FGD4: variants seen among roughly 807,000 people sequenced by gnomAD.
FGD4 encodes the protein FYVE, RhoGEF and PH domain-containing protein 4.
In FGD4, 42 loss-of-function variants were observed where a neutral mutation model predicts 102.0. That is an observed-to-expected ratio of 0.41 (90% CI 0.32 to 0.53). The LOEUF (loss-of-function observed/expected upper bound fraction) is 0.53. Among genes scored for constraint, FGD4 ranks in the 20% least tolerant of loss-of-function variants. The probability of loss-of-function intolerance (pLI) is 0.21; values close to 1 mark genes in which losing one functional copy is unlikely to be tolerated. For missense variants in FGD4, 902 were observed against 1,078.2 expected (o/e 0.84, Z 2.29); for synonymous variants, 380 against 375.7 (o/e 1.01, Z -0.13).
Position 32,642,049 on chromosome 12 carries a change from T to A in FGD4, c.*1516T>A, listed in dbSNP as rs1951179762. On this transcript the variant is annotated 3_prime_UTR_variant, in exon 17 of 17. Transcript: ENST00000534526. ...TTAGATATAGAATAGAATTTGAGAC[T>A]GCCACACATTTATTCAGGCCTTGTT... The A allele has an allele frequency of 6.6e-6, 1 of 152,176 alleles. No individual in the cohort carries two copies. The highest frequency in any genetic ancestry group is 1.5e-5 in the Non-Finnish European group (1 of 67,982). The allele number at this position is 152,176 out of a possible 1,614,324, so 9.4% of individuals were successfully genotyped here.
chr12:32,593,523 C>A (rs1947647081), intron 4 of FGD4, among the ~76,000 whole-genome samples: 1 of 152,140 alleles, frequency 6.6e-6, no homozygotes, highest in Admixed American at 6.6e-5. Flanking sequence ...CTGGCATCCC[C>A]CTTGGATTTT....
chr12:32,610,074 T>C (rs1949046171), intron 8 of FGD4, among the ~76,000 whole-genome samples: 1 of 152,210 alleles, frequency 6.6e-6, no homozygotes, highest in Admixed American at 6.5e-5. Context: ...CCAAAGAAAG[T>C]AGGTTATGCT....
chr12:32,508,137 C>T (rs1345852951), intron 1 of FGD4, among the ~76,000 whole-genome samples: 1 of 152,104 alleles, frequency 6.6e-6, no homozygotes, highest in Non-Finnish European at 1.5e-5. Context: ...CTCGGCTGTG[C>T]ACGTGAGGTG....
chr12:32,559,534 A>G (rs1455539207), intron 1 of FGD4, among the ~76,000 whole-genome samples: 2 of 152,218 alleles, frequency 1.3e-5, no homozygotes, highest in African/African-American at 4.8e-5. Flanking sequence ...ACTTGTTTTA[A>G]TAAACAATGT....
chr12:32,551,682 A>G (rs1439521419), intron 1 of FGD4, among the ~76,000 whole-genome samples: 1 of 152,212 alleles, frequency 6.6e-6, no homozygotes, highest in Non-Finnish European at 1.5e-5. Flanking sequence ...TTTAGGGATC[A>G]AGGAAAGTTG....
At chr12:32,509,342 G>C (rs1179064845) in intron 1 of FGD4, among the ~76,000 whole-genome samples, 2 of 147,490 alleles carry the variant, frequency 1.4e-5, no homozygotes, top group East Asian at 4.0e-4. Flanking sequence ...ACAGAAATAA[G>C]ACTCTAAAGA....
chr12:32,471,978 A>G (rs1036875752), intron 1 of FGD4, among the ~76,000 whole-genome samples: 1 of 152,232 alleles, frequency 6.6e-6, no homozygotes, highest in African/African-American at 2.4e-5. Flanking sequence ...ACCACTGACC[A>G]GAGTGTGCTC....
At position 32,625,808 on chromosome 12, in the gene FGD4, T is replaced by G. The variant is rs17539848; in HGVS notation, c.2172+29T>G. 179,336 of 1,612,598 alleles carry G rather than the reference T, an allele frequency of 0.11. 11,147 individuals are homozygous for G. The highest frequency in any genetic ancestry group is 0.18 in the Middle Eastern group (1,108 of 6,056). Reference sequence around the variant, plus strand: ...AGTGAGATTTCTTGATCATTAAGGTTGCTAGTAACTATATAAGTGATGTAA... The same window carrying G: ...AGTGAGATTTCTTGATCATTAAGGTGGCTAGTAACTATATAAGTGATGTAA... On this transcript the variant is annotated intron_variant, in intron 14 of 16. Coordinates refer to ENST00000534526, the MANE Select transcript of FGD4 (RefSeq NM_001370298.3).
chr12:32,447,546 AT>A lies in FGD4; in HGVS notation c.166+47588del, dbSNP rs376897478. ...GTGACACAGTTATAATATTTACAGT[AT>A]CATGTTGTATTAAATGAGATGGCCC... On this transcript the variant is annotated intron_variant, in intron 1 of 16. Coordinates refer to ENST00000534526, the MANE Select transcript of FGD4 (RefSeq NM_001370298.3). Among the ~76,000 whole-genome samples, 19 of 152,330 alleles carry A rather than the reference AT, an allele frequency of 1.2e-4. No individual in the cohort carries two copies. The East Asian group carries it at 1.3e-3, about 11-fold the overall frequency.
In FGD4 at chr12:32,519,665, C is replaced by T. The variant is rs144733653; in HGVS notation, c.167-44472C>T. Among the ~76,000 whole-genome samples the T allele has an allele frequency of 2.0e-4, 31 of 151,974 alleles. No homozygotes were observed. The East Asian group carries it at 5.2e-3, about 26-fold the overall frequency. On this transcript the variant is annotated intron_variant, in intron 1 of 16. Coordinates refer to ENST00000534526, the MANE Select transcript of FGD4 (RefSeq NM_001370298.3). ...TAAAATAAAAAAATAAAGCTGGGCA[C>T]GGTGGCTCACTCTTGTAATCCGAGC...
intron 1 of FGD4, among the ~76,000 whole-genome samples, chr12:32,466,474 T>C (rs774618045): frequency 1.6e-4 from 24 of 152,252 alleles, no homozygotes; most frequent in Admixed American, 8.5e-4. Context: ...GGCCTTTAAC[T>C]GATTGGATGA....
chr12:32,468,555 T>C (rs944162066), intron 1 of FGD4, among the ~76,000 whole-genome samples: 1 of 152,118 alleles, frequency 6.6e-6, no homozygotes, highest in African/African-American at 2.4e-5. Flanking sequence ...TTTTTTCTGA[T>C]TATAAAAGTC....
At chr12:32,586,355 T>C (rs1435428226) in intron 4 of FGD4, among the ~76,000 whole-genome samples, 2 of 152,312 alleles carry the variant, frequency 1.3e-5, no homozygotes, top group East Asian at 3.9e-4. Context: ...CCCATAATTC[T>C]ACCAGTGAGA....
chr12:32,428,361 TCTTTA>T (rs1941921112), intron 1 of FGD4, among the ~76,000 whole-genome samples: 1 of 152,216 alleles, frequency 6.6e-6, no homozygotes, highest in African/African-American at 2.4e-5. Context: ...AGTTGAAAAT[TCTTTA>T]CTTTAAGAAT....
chr12:32,418,441 ACT>A (rs1941505833), intron 1 of FGD4, among the ~76,000 whole-genome samples: 1 of 151,886 alleles, frequency 6.6e-6, no homozygotes, highest in South Asian at 2.1e-4. Context: ...AAACTGAATA[ACT>A]CTGTGGTTCT....
intron 10 of FGD4, among the ~76,000 whole-genome samples, chr12:32,616,619 C>A (rs892221604): frequency 4.6e-5 from 7 of 152,166 alleles, no homozygotes; most frequent in Admixed American, 1.3e-4. Context: ...TTTTTATTTT[C>A]TTTTCTCTCT....
intron 1 of FGD4, among the ~76,000 whole-genome samples, chr12:32,448,680 G>A (rs1047599035): frequency 1.3e-5 from 2 of 151,136 alleles, no homozygotes; most frequent in Non-Finnish European, 3.0e-5. Context: ...AAAGAAAAAG[G>A]GGTGATTGAG....
At chr12:32,452,814 C>T (rs1942817430) in intron 1 of FGD4, among the ~76,000 whole-genome samples, 1 of 151,994 alleles carries the variant, frequency 6.6e-6, no homozygotes, top group Non-Finnish European at 1.5e-5. Context: ...CATACAGATA[C>T]TCTGTCTCTT....
In FGD4 at chr12:32,544,224, G is replaced by A. The variant is rs879074892; in HGVS notation, c.167-19913G>A. On this transcript the variant is annotated intron_variant, in intron 1 of 16. Transcript: ENST00000534526. This position sits in a 1 kb window ranked among gnomAD's most constrained non-coding sequence, Gnocchi z 4.1. ...GTGGATCTCCTGAGGTCAGGATTTC[G>A]AGACCAGCCTGGCCAACATGGTGAA... Among the ~76,000 whole-genome samples, 1 of 151,786 alleles carries A rather than the reference G, an allele frequency of 6.6e-6. No homozygotes were observed. Among genetic ancestry groups the A allele is most frequent in the South Asian group, 2.1e-4 (1 of 4,814 alleles).
Sources: gnomAD v4.1 joint callset for allele counts (sites outside exome capture counted in the v4.1 genomes callset) on GRCh38, gnomAD v4.1.1 for gene constraint, Gnocchi (gnomAD v3.1) non-coding constraint, MANE v1.5 for transcripts, NCBI Gene and HGNC (gene_info 2026-07-23, HGNC 2026-07-21) for gene names.